Variants in CDH18 observed in about 807,000 individuals in gnomAD.
CDH18 encodes cadherin 18.
In CDH18, 31 loss-of-function variants were observed where a neutral mutation model predicts 67.9. The observed-to-expected ratio is 0.46, with a 90% CI of 0.34 to 0.62. The LOEUF (loss-of-function observed/expected upper bound fraction) is 0.62. Ranked by LOEUF, CDH18 falls within the 20% of genes least tolerant of loss-of-function variation. The pLI is 0.01. For synonymous variants in CDH18, 362 were observed against 347.2 expected (o/e 1.04, Z -0.48); for missense variants, 890 against 975.5 (o/e 0.91, Z 1.17).
At chr5:19,805,963 T>A (rs1777990968) in intron 3 of CDH18, among the ~76,000 whole-genome samples, 1 of 152,172 alleles carries the variant, frequency 6.6e-6, no homozygotes, top group Non-Finnish European at 1.5e-5. Flanking sequence ...TCTTCGAATC[T>A]TCTACCAGGA....
At chr5:19,693,914 GATT>G (rs907804839) in intron 5 of CDH18, among the ~76,000 whole-genome samples, 1 of 124,458 alleles carries the variant, frequency 8.0e-6, no homozygotes, top group African/African-American at 2.9e-5. Flanking sequence ...AAAAAAAAAA[GATT>G]ATGACAGGAG....
At chr5:20,411,236 G>T (rs1746745151) in intron 1 of CDH18, among the ~76,000 whole-genome samples, 1 of 151,924 alleles carries the variant, frequency 6.6e-6, no homozygotes, top group Admixed American at 6.6e-5. Flanking sequence ...AAAACAGTGT[G>T]CTACTGGCAT....
chr5:19,679,249 A>G (rs1193809308), intron 5 of CDH18, among the ~76,000 whole-genome samples: 1 of 152,060 alleles, frequency 6.6e-6, no homozygotes, highest in Non-Finnish European at 1.5e-5. Flanking sequence ...GATACACTTC[A>G]ACACCCCTTC....
chr5:20,281,676 G>C (rs1161136974), intron 1 of CDH18, among the ~76,000 whole-genome samples: 1 of 152,154 alleles, frequency 6.6e-6, no homozygotes, highest in Non-Finnish European at 1.5e-5. Context: ...GCTTAGGATT[G>C]ACTTGGCGAT....
intron 2 of CDH18, among the ~76,000 whole-genome samples, chr5:20,233,181 T>C (rs976542301): frequency 2.7e-5 from 4 of 150,812 alleles, no homozygotes; most frequent in Non-Finnish European, 4.4e-5. Context: ...ATGTATATAC[T>C]TTAAATATTA....
intron 5 of CDH18, among the ~76,000 whole-genome samples, chr5:19,634,685 C>T (rs1236251612): frequency 1.3e-5 from 2 of 151,694 alleles, no homozygotes; most frequent in African/African-American, 2.4e-5. Context: ...GCATGTAATC[C>T]CAGCACTTTG....
At chr5:19,770,642 C>A (rs114603417) in intron 3 of CDH18, among the ~76,000 whole-genome samples, 1,636 of 151,858 alleles carry the variant, frequency 0.011, 11 homozygotes, top group South Asian at 0.022. Context: ...AAAGGAAGAC[C>A]AAGACAGACT....
chr5:19,868,962 T>C (rs527465177), intron 2 of CDH18, among the ~76,000 whole-genome samples: 2 of 152,298 alleles, frequency 1.3e-5, no homozygotes, highest in East Asian at 1.9e-4. Flanking sequence ...AAATGAAAGA[T>C]TGTATAACTG....
At chr5:19,622,399 C>G (rs1580545443) in intron 5 of CDH18, among the ~76,000 whole-genome samples, 1 of 152,170 alleles carries the variant, frequency 6.6e-6, no homozygotes. Context: ...ACTATCAATG[C>G]TACTATCGCT....
At chr5:19,904,055 T>C (rs929424056) in intron 2 of CDH18, among the ~76,000 whole-genome samples, 6 of 151,706 alleles carry the variant, frequency 4.0e-5, no homozygotes, top group Admixed American at 3.3e-4. Flanking sequence ...AGGCAGATCA[T>C]CTGAGGTCAG....
In CDH18 at chr5:19,545,210, G is replaced by T. The variant is rs1001479900; in HGVS notation, c.1254-1205C>A. ...CTAGACCTGAAAGATGAAATGGACT[G>T]ATTAATTATGTGAAAAGTGCTAGGG... is the stretch of plus-strand genomic sequence containing the variant. On this transcript the variant is annotated intron_variant, in intron 8 of 12. Coordinates refer to ENST00000382275, the MANE Select transcript of CDH18 (RefSeq NM_004934.5). 3.9e-5 allele frequency among the ~76,000 whole-genome samples: 6 copies of T among 152,238 alleles called. No individual in the cohort carries two copies. The East Asian group carries it at 9.7e-4, about 25-fold the overall frequency.
In CDH18 at chr5:19,747,232, T is replaced by C. The variant is rs780506497; in HGVS notation, c.233A>G (p.His78Arg). 2 of 1,611,898 alleles carry C rather than the reference T, an allele frequency of 1.2e-6. No homozygotes were observed. The highest frequency in any genetic ancestry group is 2.2e-5 in the South Asian group (2 of 90,974). The change falls in exon 4 of 13, where the codon CAC becomes CGC. Residue 78 changes from histidine (H) to arginine (R), a missense_variant. Transcript: ENST00000382275. ...TCCATCACCTTTGTCAGAATTGGAG[T>C]GCAGCTGTGAAATACACATGGAATA... is the stretch of plus-strand genomic sequence containing the variant. ...GPDPQYVGKL[H>R]SNSDKGDGSV...
At position 19,637,007 on chromosome 5, in the gene CDH18, T is replaced by G. The variant is rs549116044; in HGVS notation, c.644-24406A>C. Among the ~76,000 whole-genome samples, 13 of 152,306 alleles carry G rather than the reference T, an allele frequency of 8.5e-5. No homozygotes were observed. The South Asian group carries it at 2.1e-3, about 24-fold the overall frequency. ...TCAAGCAAAACTGAGAGAAAAAAATTGAATCCAAACTATCTGTGCCTTTCC... is the reference window on the plus strand; with the variant it reads ...TCAAGCAAAACTGAGAGAAAAAAATGGAATCCAAACTATCTGTGCCTTTCC... On this transcript the variant is annotated intron_variant, in intron 5 of 12. Transcript: ENST00000382275.
At chr5:19,915,806 GTA>G (rs1196258851) in intron 2 of CDH18, among the ~76,000 whole-genome samples, 1 of 149,806 alleles carries the variant, frequency 6.7e-6, no homozygotes, top group Non-Finnish European at 1.5e-5. Flanking sequence ...TTTTCTATTT[GTA>G]TATATGTTTA....
intron 1 of CDH18, among the ~76,000 whole-genome samples, chr5:20,322,578 T>G (rs1379276323): frequency 1.3e-5 from 2 of 152,084 alleles, no homozygotes; most frequent in East Asian, 3.9e-4. Flanking sequence ...ATGAGATTGT[T>G]TATATAAAGT....
chr5:19,824,580 C>T (rs1281640454), intron 3 of CDH18, among the ~76,000 whole-genome samples: 2 of 152,182 alleles, frequency 1.3e-5, no homozygotes, highest in Non-Finnish European at 2.9e-5. Context: ...TTTTACAAGC[C>T]TTGGGTCCCA....
At chr5:20,119,721 C>T (rs1223078102) in intron 2 of CDH18, among the ~76,000 whole-genome samples, 2 of 152,050 alleles carry the variant, frequency 1.3e-5, no homozygotes, top group African/African-American at 2.4e-5. Flanking sequence ...TGCCAGGCAC[C>T]GAGCTTGGTG....
chr5:20,529,522 G>A (rs1325647751), intron 1 of CDH18, among the ~76,000 whole-genome samples: 2 of 151,638 alleles, frequency 1.3e-5, no homozygotes, highest in Admixed American at 6.6e-5. Context: ...CCAGCAGCAC[G>A]TCTAAAAGCT....
intron 2 of CDH18, among the ~76,000 whole-genome samples, chr5:20,007,435 A>G (rs1736993788): frequency 6.6e-6 from 1 of 152,164 alleles, no homozygotes; most frequent in Non-Finnish European, 1.5e-5. Context: ...AAATTGTTGA[A>G]TAAATATATA....
Sources: allele counts gnomAD v4.1 joint callset (sites outside exome capture counted in the v4.1 genomes callset), GRCh38; gene constraint gnomAD v4.1.1; transcripts MANE v1.5; gene names NCBI Gene and HGNC (gene_info 2026-07-23, HGNC 2026-07-21).